The following RASAL2 variants were observed in gnomAD, a reference collection of about 807,000 sequenced individuals.
RASAL2 encodes RAS protein activator like 2.
In RASAL2, 58 loss-of-function variants were observed where a neutral mutation model predicts 128.9. The observed-to-expected ratio is 0.45, with a 90% CI of 0.36 to 0.56. The LOEUF is 0.56. Among genes scored for constraint, RASAL2 ranks in the 20% least tolerant of loss-of-function variants. RASAL2 has a pLI of 0.00. For missense variants in RASAL2, 1,360 were observed against 1,601.6 expected (o/e 0.85, Z 2.57); for synonymous variants, 561 against 580.8 (o/e 0.97, Z 0.49).
At chr1:178,382,668 C>G (rs927247494) in intron 3 of RASAL2, among the ~76,000 whole-genome samples, 1 of 152,238 alleles carries the variant, frequency 6.6e-6, no homozygotes, top group Non-Finnish European at 1.5e-5. Flanking sequence ...AAAGATGTAA[C>G]TTATGTAAAA....
intron 1 of RASAL2, among the ~76,000 whole-genome samples, chr1:178,230,648 A>C (rs751057230): frequency 6.6e-6 from 1 of 152,234 alleles, no homozygotes; most frequent in Non-Finnish European, 1.5e-5. Flanking sequence ...ATTTAGGGGC[A>C]TAAGGCAGAA....
At position 178,292,052 on chromosome 1, in the gene RASAL2, A is replaced by G. The variant is rs1005639288; in HGVS notation, c.331-7940A>G. ...CTTTGTCTCAAAAAAAAAAAAAAAAAAAAAAGAATTATAAAGAATTTAACT... is the reference window on the plus strand; with the variant it reads ...CTTTGTCTCAAAAAAAAAAAAAAAAGAAAAAGAATTATAAAGAATTTAACT... On this transcript the variant is annotated intron_variant, in intron 2 of 17. Transcript: ENST00000367649. Among the ~76,000 whole-genome samples the G allele has an allele frequency of 7.9e-5, 12 of 151,640 alleles. No individual in the cohort carries two copies. The East Asian group carries it at 2.3e-3, about 29-fold the overall frequency.
chr1:178,458,013 G>A lies in RASAL2; in HGVS notation c.2721G>A (p.Leu907=), dbSNP rs1404026189. 1.2e-6 allele frequency: 2 copies of A among 1,614,042 alleles called. No homozygotes were observed. The highest frequency in any genetic ancestry group is 2.7e-5 in the African/African-American group (2 of 74,936). The change falls in exon 14 of 18, where the codon CTG becomes CTA. Residue 907 remains leucine (L), a synonymous_variant. Coordinates refer to ENST00000367649, the MANE Select transcript of RASAL2 (RefSeq NM_170692.4). ...PQSAPQVRRP[L]HPALNQPGGL... ...GTGCACCCCAAGTGAGAAGGCCCCT[G>A]CACCCAGCCTTGAACCAGCCAGGTG...
chr1:178,094,366 C>A lies in RASAL2; in HGVS notation c.-127C>A. ...GGAAGGAGGTGAGAGGTGTCCGCGC[C>A]GGCTGCCGCTCGGGTCCCTGCCCTC... On this transcript the variant is annotated 5_prime_UTR_variant, in exon 1 of 18. Transcript: ENST00000367649. 2.3e-6 allele frequency: 2 copies of A among 884,448 alleles called. No individual in the cohort carries two copies. The highest frequency in any genetic ancestry group is 1.9e-5 in the South Asian group (1 of 53,536). 54.8% of individuals were successfully genotyped at this position (884,448 alleles called of 1,614,324 possible).
intron 1 of RASAL2, among the ~76,000 whole-genome samples, chr1:178,229,417 G>T (rs1663915081): frequency 1.3e-5 from 2 of 151,458 alleles, no homozygotes; most frequent in African/African-American, 4.9e-5. Flanking sequence ...ACAATTCCAT[G>T]ATCTTTCTTT....
intron 4 of RASAL2, among the ~76,000 whole-genome samples, chr1:178,400,172 G>A (rs1673520500): frequency 6.6e-6 from 1 of 152,172 alleles, no homozygotes; most frequent in Admixed American, 6.5e-5. Flanking sequence ...TTGGCACTGA[G>A]AGCTTTCATT....
intron 3 of RASAL2, among the ~76,000 whole-genome samples, chr1:178,383,138 G>A (rs1385559069): frequency 6.6e-6 from 1 of 152,136 alleles, no homozygotes; most frequent in Non-Finnish European, 1.5e-5. Context: ...AAGTGGTGGG[G>A]AGACTGGATG....
intron 1 of RASAL2, among the ~76,000 whole-genome samples, chr1:178,199,985 C>T (rs1350077396): frequency 6.6e-6 from 1 of 152,208 alleles, no homozygotes; most frequent in African/African-American, 2.4e-5. Context: ...GCTTCCTGCC[C>T]TGAACATCGG....
At chr1:178,129,995 A>T (rs1044915394) in intron 1 of RASAL2, among the ~76,000 whole-genome samples, 1 of 152,230 alleles carries the variant, frequency 6.6e-6, no homozygotes, top group Non-Finnish European at 1.5e-5. Context: ...TAGAATTAAC[A>T]TAAGTGTTAG....
intron 2 of RASAL2, 69 bp downstream of exon 2, chr1:178,283,760 T>G: frequency 6.3e-7 from 1 of 1,577,852 alleles, no homozygotes; most frequent in Non-Finnish European, 8.7e-7. Context: ...ACCTAGTTTT[T>G]GTTTGCATTT....
intron 1 of RASAL2, among the ~76,000 whole-genome samples, chr1:178,195,005 G>T (rs1662612402): frequency 6.6e-6 from 1 of 152,148 alleles, no homozygotes; most frequent in African/African-American, 2.4e-5. Context: ...GGGTAATTTT[G>T]AATGTATCTA....
intron 2 of RASAL2, among the ~76,000 whole-genome samples, chr1:178,290,508 C>T (rs1317303058): frequency 2.6e-5 from 4 of 152,050 alleles, no homozygotes; most frequent in African/African-American, 4.8e-5. Context: ...CACAAAGATG[C>T]AGTTTTGTTG....
chr1:178,172,593 A>G (rs1247614569), intron 1 of RASAL2, among the ~76,000 whole-genome samples: 1 of 152,078 alleles, frequency 6.6e-6, no homozygotes, highest in Non-Finnish European at 1.5e-5. Context: ...TCACCTGAAC[A>G]TAAGTCAAAA....
chr1:178,111,275 A>G (rs1482058918), intron 1 of RASAL2, among the ~76,000 whole-genome samples: 2 of 151,938 alleles, frequency 1.3e-5, no homozygotes, highest in Non-Finnish European at 2.9e-5. Flanking sequence ...ACACCTGGCT[A>G]ATTTGTATTT....
intron 1 of RASAL2, among the ~76,000 whole-genome samples, chr1:178,220,480 A>G (rs979029059): frequency 2.6e-5 from 4 of 152,226 alleles, no homozygotes; most frequent in African/African-American, 9.6e-5. Context: ...ATACAATAGT[A>G]ATGAAAAATT....
At chr1:178,186,628 T>C (rs1275781870) in intron 1 of RASAL2, among the ~76,000 whole-genome samples, 1 of 152,138 alleles carries the variant, frequency 6.6e-6, no homozygotes, top group East Asian at 1.9e-4. Context: ...TTCCCCTGCA[T>C]GTAATACTTA....
At chr1:178,208,638 C>T (rs944541296) in intron 1 of RASAL2, among the ~76,000 whole-genome samples, 1 of 152,034 alleles carries the variant, frequency 6.6e-6, no homozygotes, top group African/African-American at 2.4e-5. Context: ...TTTGTTGGAC[C>T]CTTATCAGTA....
At chr1:178,466,854 C>T (rs1345795185) in intron 16 of RASAL2, among the ~76,000 whole-genome samples, 1 of 152,078 alleles carries the variant, frequency 6.6e-6, no homozygotes, top group Admixed American at 6.6e-5. Context: ...GACAGTCTTA[C>T]TGAGAGGTGT....
intron 4 of RASAL2, among the ~76,000 whole-genome samples, chr1:178,395,986 A>G (rs1673201760): frequency 6.6e-6 from 1 of 151,916 alleles, no homozygotes; most frequent in East Asian, 1.9e-4. Context: ...AATGATAAAT[A>G]TCTTAGAAAA....
Sources: allele counts gnomAD v4.1 joint callset (sites outside exome capture counted in the v4.1 genomes callset), GRCh38; gene constraint gnomAD v4.1.1; transcripts MANE v1.5; gene names NCBI Gene and HGNC (gene_info 2026-07-23, HGNC 2026-07-21).